The following TTC6 variants were observed in gnomAD, a reference collection of about 807,000 sequenced individuals.
TTC6 encodes tetratricopeptide repeat protein 6.
A neutral mutation model predicts 210.4 loss-of-function variants in TTC6; 172 were observed. That is an observed-to-expected ratio of 0.82 (90% confidence interval 0.72 to 0.93). The LOEUF (loss-of-function observed/expected upper bound fraction) is 0.93. Ranked by LOEUF, TTC6 falls within the 40% of genes least tolerant of loss-of-function variation. The probability of loss-of-function intolerance (pLI) is 0.00; values close to 1 mark genes in which losing one functional copy is unlikely to be tolerated. For synonymous variants in TTC6, 804 were observed against 819.6 expected, an observed-to-expected ratio of 0.98 and a Z score of 0.32; for missense variants, 2,414 against 2,318.1, an observed-to-expected ratio of 1.04 and a Z score of -0.85.
At chr14:37,622,893 A>G (rs2095654140) in exon 1 of TTC6, 3 of 1,535,142 alleles carry the variant, frequency 2.0e-6, no homozygotes, top group South Asian at 2.4e-5. Context: ...CCCCACGTCC[A>G]TCGAAGAGAT....
intron 29 of TTC6, among the ~76,000 whole-genome samples, chr14:37,827,603 C>T (rs918585499): frequency 6.6e-6 from 1 of 151,862 alleles, no homozygotes; most frequent in East Asian, 1.9e-4. Flanking sequence ...CATATTTTAT[C>T]ATAATAAATG....
At chr14:37,814,241 T>C (rs2096136397) in intron 25 of TTC6, among the ~76,000 whole-genome samples, 3 of 152,156 alleles carry the variant, frequency 2.0e-5, no homozygotes, top group Admixed American at 2.0e-4. Context: ...ACCCTGGCCT[T>C]TTCTTATTCC....
At chr14:37,712,266 T>C (rs948718659) in intron 5 of TTC6, among the ~76,000 whole-genome samples, 1 of 152,210 alleles carries the variant, frequency 6.6e-6, no homozygotes, top group African/African-American at 2.4e-5. Flanking sequence ...GTTTCTGGCA[T>C]AGAGCCAGAG....
chr14:37,683,592 T>C (rs560783910), intron 3 of TTC6, among the ~76,000 whole-genome samples: 7 of 152,160 alleles, frequency 4.6e-5, no homozygotes, highest in Non-Finnish European at 1.0e-4. Context: ...TTCACATAAA[T>C]TTTATTACAG....
chr14:37,784,521 CG>C (rs1444296371), intron 14 of TTC6, among the ~76,000 whole-genome samples: 7 of 152,136 alleles, frequency 4.6e-5, no homozygotes, highest in African/African-American at 1.7e-4. Context: ...TGTCTCTGCA[CG>C]TTGAGATGGG....
intron 1 of TTC6, among the ~76,000 whole-genome samples, chr14:37,635,981 C>CAAAAAAAAAAAAAAAAAAAA (rs71433909): frequency 2.8e-5 from 2 of 70,358 alleles, no homozygotes; most frequent in Non-Finnish European, 5.0e-5. Context: ...ATTCCATTTC[C>CAAAAAAAAAAAAAAAAAAAA]AAAAAAAAAA....
chr14:37,718,411 A>G (rs1007777967), intron 6 of TTC6, among the ~76,000 whole-genome samples: 3 of 152,216 alleles, frequency 2.0e-5, no homozygotes, highest in African/African-American at 7.2e-5. Flanking sequence ...GAATAGAGGG[A>G]AACTTCTACA....
At chr14:37,677,871 G>A (rs1267889675) in intron 1 of TTC6, among the ~76,000 whole-genome samples, 4 of 151,968 alleles carry the variant, frequency 2.6e-5, no homozygotes, top group Non-Finnish European at 4.4e-5. Flanking sequence ...ATCTATAGAT[G>A]TCACATTTCA....
chr14:37,608,791 C>T (rs1296115756), intron 2 of TTC6, among the ~76,000 whole-genome samples: 2 of 152,156 alleles, frequency 1.3e-5, no homozygotes, highest in Non-Finnish European at 2.9e-5. Context: ...TGTGGTGATA[C>T]ATCAAAGGTG....
rs35078384 is a variant in TTC6 at position 37,821,772 on chromosome 14, C to CTTTTT, written c.4764-1954_4764-1950dup. Among the ~76,000 whole-genome samples, 146 of 69,138 alleles carry CTTTTT rather than the reference C, an allele frequency of 2.1e-3. 5 individuals carry two copies. Among genetic ancestry groups the CTTTTT allele is most frequent in the African/African-American group, 4.9e-3 (73 of 15,050 alleles). The allele number at this position is 69,138 out of a possible 152,430, so 45.4% of individuals were successfully genotyped here. ...GAGAATGTCTCAGCTAAGAGCTAGT[C>CTTTTT]TTTTTTTTTTTTTTTTTTTTTTTTT... On this transcript the variant is annotated intron_variant, in intron 26 of 30. Transcript: ENST00000553443.
At chr14:37,753,164 T>G (rs2139047893) in exon 14 of TTC6, 1 of 1,535,466 alleles carries the variant, frequency 6.5e-7, no homozygotes, top group Non-Finnish European at 8.7e-7. Context: ...ATTGTGAAAA[T>G]GAAAACTGGT....
chr14:37,771,307 T>A (rs1312028369), intron 14 of TTC6, among the ~76,000 whole-genome samples: 1 of 152,060 alleles, frequency 6.6e-6, no homozygotes, highest in Admixed American at 6.5e-5. Context: ...TCAAGGAGTA[T>A]CTTTGTGGCG....
At chr14:37,735,263 G>A (rs1464350457) in intron 7 of TTC6, among the ~76,000 whole-genome samples, 1 of 151,950 alleles carries the variant, frequency 6.6e-6, no homozygotes, top group East Asian at 1.9e-4. Flanking sequence ...GTTAGTGTTT[G>A]AGACCTAACA....
At chr14:37,789,458 A>T (rs914876576) in intron 15 of TTC6, among the ~76,000 whole-genome samples, 2 of 151,872 alleles carry the variant, frequency 1.3e-5, no homozygotes, top group Non-Finnish European at 2.9e-5. Flanking sequence ...GTCATGCGCC[A>T]CATAATGATG....
chr14:37,761,036 C>T (rs1441007374), intron 14 of TTC6, among the ~76,000 whole-genome samples: 1 of 152,148 alleles, frequency 6.6e-6, no homozygotes, highest in Admixed American at 6.5e-5. Flanking sequence ...TTCTGTCTCA[C>T]TGGAGTTCCA....
intron 14 of TTC6, among the ~76,000 whole-genome samples, chr14:37,781,117 G>A (rs1051828765): frequency 2.0e-5 from 3 of 152,172 alleles, no homozygotes; most frequent in African/African-American, 4.8e-5. Context: ...ATCATAAAAT[G>A]ATTTATAATC....
intron 6 of TTC6, among the ~76,000 whole-genome samples, chr14:37,723,453 C>A (rs945663134): frequency 1.3e-5 from 2 of 152,112 alleles, no homozygotes; most frequent in African/African-American, 4.8e-5. Flanking sequence ...CTATAGTAAG[C>A]TAAATATGAG....
intron 14 of TTC6, among the ~76,000 whole-genome samples, chr14:37,767,517 T>C (rs1336735247): frequency 2.6e-5 from 4 of 152,294 alleles, no homozygotes; most frequent in South Asian, 4.1e-4. Flanking sequence ...TGGTATCTCA[T>C]TGTGGTTTTG....
At chr14:37,616,759 A>G (rs2095643455) in intron 2 of TTC6, among the ~76,000 whole-genome samples, 1 of 147,842 alleles carries the variant, frequency 6.8e-6, no homozygotes, top group Admixed American at 6.7e-5. Context: ...AAAAAAAAAG[A>G]TGCATCTATG....
Sources: allele counts gnomAD v4.1 joint callset (sites outside exome capture counted in the v4.1 genomes callset), GRCh38; gene constraint gnomAD v4.1.1; transcripts MANE v1.5; gene names NCBI Gene and HGNC (gene_info 2026-07-23, HGNC 2026-07-21).